The following MCM4 variants were observed in gnomAD, a reference collection of about 807,000 sequenced individuals.
MCM4 encodes DNA replication licensing factor MCM4.
In MCM4, 60 loss-of-function variants were observed where a neutral mutation model predicts 88.7. The ratio of observed to expected loss-of-function variants is 0.68; its 90% CI spans 0.55 to 0.84. The LOEUF is 0.84. Ranked by LOEUF, MCM4 falls within the 40% of genes least tolerant of loss-of-function variation. MCM4 has a pLI of 0.00. For synonymous variants in MCM4, 465 were observed against 410.5 expected (o/e 1.13, Z -1.61); for missense variants, 1,149 against 1,105.5 (o/e 1.04, Z -0.56).
At position 47,972,903 on chromosome 8, in the gene MCM4, G is replaced by A. The variant is rs1464398783; in HGVS notation, c.1975G>A (p.Asp659Asn). ...GCTGGACCCTCAGGACGAAGCCTAT[G>A]ACAGGCGTCTGGCTCACCACCTGGT... Reference protein sequence around the residue: ...LLLDPQDEAYDRRLAHHLVAL... With the variant: ...LLLDPQDEAYNRRLAHHLVAL... Residue 659 changes from aspartate (D) to asparagine (N), a missense_variant, in exon 14 of 17, where the codon GAC becomes AAC. Coordinates refer to ENST00000649973, the MANE Select transcript of MCM4 (RefSeq NM_182746.3). 5.0e-6 allele frequency: 8 copies of A among 1,614,056 alleles called. No individual in the cohort carries two copies. The highest frequency in any genetic ancestry group is 6.8e-6 in the Non-Finnish European group (8 of 1,180,040).
At position 47,966,183 on chromosome 8, in the gene MCM4, A is replaced by G. The variant is rs760861548; in HGVS notation, c.833-4A>G. On this transcript the variant is annotated splice_polypyrimidine_tract_variant and splice_region_variant and intron_variant, in intron 8 of 16. Transcript: ENST00000649973. ...GTGTGCTGACCTCTCTTCTCCCCTC[A>G]CAGACATTGACCAGCTCATCACCAT... is the stretch of plus-strand genomic sequence containing the variant. The G allele has an allele frequency of 3.7e-6, 6 of 1,613,074 alleles. No individual in the cohort carries two copies. In the African/African-American group the frequency reaches 4.0e-5, roughly 11 times the overall value.
At chr8:47,975,093 C>T in intron 15 of MCM4, 131 bp downstream of exon 15, 1 of 665,012 alleles carries the variant, frequency 1.5e-6, no homozygotes, top group Non-Finnish European at 2.5e-6. Context: ...GATTAGGACC[C>T]CTTTGAGAAT....
In MCM4 at chr8:47,969,840, G is replaced by C; in HGVS notation, c.1217G>C (p.Ser406Thr). 1 of 1,614,254 alleles carries C rather than the reference G, an allele frequency of 6.2e-7. No individual in the cohort carries two copies. The highest frequency in any genetic ancestry group is 1.7e-5 in the Admixed American group (1 of 60,032). Residue 406 changes from serine (S) to threonine (T), a missense_variant, in exon 11 of 17, where the codon AGT becomes ACT. Coordinates refer to ENST00000649973, the MANE Select transcript of MCM4 (RefSeq NM_182746.3). ...AVPIRVNPRVSNVKSVYKTHI... is the reference protein window; with the variant it reads ...AVPIRVNPRVTNVKSVYKTHI... Reference sequence around the variant, plus strand: ...CCTATTCGAGTCAATCCAAGAGTGAGTAATGTGAAGTCTGTCTACAAAACC... The same window carrying C: ...CCTATTCGAGTCAATCCAAGAGTGACTAATGTGAAGTCTGTCTACAAAACC...
chr8:47,966,059 A>C, intron 8 of MCM4, 128 bp from the exon 9 acceptor site: 1 of 695,676 alleles, frequency 1.4e-6, no homozygotes, highest in East Asian at 2.6e-5. Context: ...CATAGCCTGC[A>C]GATGACTGGA....
chr8:47,961,345 G>T (rs1279587326), intron 2 of MCM4, 131 bp downstream of exon 2: 1 of 1,470,902 alleles, frequency 6.8e-7, no homozygotes, highest in Non-Finnish European at 9.0e-7. Flanking sequence ...GCCGCTTGGT[G>T]CGCACAGACA....
At chr8:47,966,127 G>C in intron 8 of MCM4, 60 bp from the exon 9 acceptor site, 1 of 1,408,286 alleles carries the variant, frequency 7.1e-7, no homozygotes, top group East Asian at 2.3e-5. Flanking sequence ...TGTGATCCCA[G>C]CTATTCCTGG....
chr8:47,961,434 A>G, intron 2 of MCM4, 82 bp from the exon 3 acceptor site: 3 of 1,608,790 alleles, frequency 1.9e-6, no homozygotes, highest in Non-Finnish European at 2.5e-6. Flanking sequence ...GTGGTGAGTC[A>G]TAATGCCCCA....
In MCM4 at chr8:47,976,833, G is replaced by A; in HGVS notation, c.*55G>A. 4.4e-6 allele frequency: 5 copies of A among 1,125,072 alleles called. No homozygotes were observed. The highest frequency in any genetic ancestry group is 6.8e-6 in the Non-Finnish European group (5 of 738,036). 69.7% of individuals were successfully genotyped at this position (1,125,072 alleles called of 1,614,324 possible). On this transcript the variant is annotated 3_prime_UTR_variant, in exon 17 of 17. Transcript: ENST00000649973. ...TGTCCTGCTTGCTGCACGCCACATG[G>A]GTGTGGTCTGCATCTCAGTTGGCCG...
In MCM4 at chr8:47,967,408, C is replaced by CA. The variant is rs753162733; in HGVS notation, c.1098dup (p.Pro367ThrfsTer11). On this transcript the variant is annotated frameshift_variant, in exon 10 of 17. Coordinates refer to ENST00000649973, the MANE Select transcript of MCM4 (RefSeq NM_182746.3). LOFTEE classifies it high-confidence loss of function. ...CCGGAAGACATGCCTGCAGGGCAGA[C>CA]ACCACACACAGTTATCCTGTTTGCT... The CA allele has an allele frequency of 6.2e-7, 1 of 1,614,170 alleles. No homozygotes were observed. Among genetic ancestry groups the CA allele is most frequent in the Non-Finnish European group, 8.5e-7 (1 of 1,180,012 alleles).
At chr8:47,961,739 C>A in intron 3 of MCM4, 59 bp downstream of exon 3, 1 of 1,539,088 alleles carries the variant, frequency 6.5e-7, no homozygotes, top group South Asian at 1.3e-5. Flanking sequence ...GCTTTATCTG[C>A]TCAGGTTTAC....
At chr8:47,975,198 CTTTAAG>C (rs751396291) in intron 15 of MCM4, 8 of 404,248 alleles carry the variant, frequency 2.0e-5, no homozygotes, top group Admixed American at 4.3e-5. Flanking sequence ...TTTTTTTATA[CTTTAAG>C]TTTTAGGGTA....
rs1412415143 is a variant in MCM4, at chr8:47,974,762, G to A, written c.2165G>A (p.Ser722Asn). The stretch of plus-strand genomic sequence containing the variant: ...TATGTAGACATGAGGAAGATTGGCA[G>A]TAGCCGGGGAATGGTTTCTGCATAC... Reference protein sequence around the residue: ...EAYVDMRKIGSSRGMVSAYPR... With the variant: ...EAYVDMRKIGNSRGMVSAYPR... Residue 722 changes from serine (S) to asparagine (N), a missense_variant, in exon 15 of 17, where the codon AGT (serine) becomes AAT (asparagine). Coordinates refer to ENST00000649973, the MANE Select transcript of MCM4 (RefSeq NM_182746.3). The A allele has an allele frequency of 6.2e-7, 1 of 1,614,208 alleles. No individual in the cohort carries two copies. The highest frequency in any genetic ancestry group is 1.7e-5 in the Admixed American group (1 of 60,018).
At chr8:47,967,516 G>A (rs1181563934) in intron 10 of MCM4, 31 bp downstream of exon 10, 1 of 1,613,564 alleles carries the variant, frequency 6.2e-7, no homozygotes, top group Non-Finnish European at 8.5e-7. Flanking sequence ...CAGCACTTGA[G>A]CATGTCTGGC....
At position 47,976,906 on chromosome 8, in the gene MCM4, T is replaced by A; in HGVS notation, c.*128T>A. Reference sequence around the variant, plus strand: ...AAGTCATGGTTTGGCTGCATAAAAATTTTCTAACTTGGGTTCAATATTTGT... The same window carrying A: ...AAGTCATGGTTTGGCTGCATAAAAAATTTCTAACTTGGGTTCAATATTTGT... On this transcript the variant is annotated 3_prime_UTR_variant, in exon 17 of 17. Coordinates refer to ENST00000649973, the MANE Select transcript of MCM4 (RefSeq NM_182746.3). 1 of 585,980 alleles carries A rather than the reference T, an allele frequency of 1.7e-6. No individual in the cohort carries two copies. The highest frequency in any genetic ancestry group is 3.1e-6 in the Non-Finnish European group (1 of 327,170). The allele number at this position is 585,980 out of a possible 1,614,324, so 36.3% of individuals were successfully genotyped here.
chr8:47,974,931 T>C lies in MCM4; in HGVS notation c.2334T>C (p.Thr778=), dbSNP rs2090988846. The change falls in exon 15 of 17, where the codon ACT becomes ACC. Residue 778 remains threonine, a synonymous_variant. Transcript: ENST00000649973. ...AGCAGTCTGCAACTGATCCCCGGACTGGCATCGTGGACATATCTATTCTTA... is the reference window on the plus strand; with the variant it reads ...AGCAGTCTGCAACTGATCCCCGGACCGGCATCGTGGACATATCTATTCTTA... ...ALKQSATDPR[T]GIVDISILTT... 6.2e-7 allele frequency: 1 copy of C among 1,614,210 alleles called. No homozygotes were observed. Among genetic ancestry groups the C allele is most frequent in the Admixed American group, 1.7e-5 (1 of 60,018 alleles).
At position 47,961,120 on chromosome 8, in the gene MCM4, T is replaced by G. The variant is rs2090821810; in HGVS notation, c.-14-11T>G. On this transcript the variant is annotated splice_polypyrimidine_tract_variant and intron_variant, in intron 1 of 16. Coordinates refer to ENST00000649973, the MANE Select transcript of MCM4 (RefSeq NM_182746.3). ...AGGCGGGCCCGGCCCGAGCTTGTCC[T>G]TGTCGCGCAGGTACTCCGAGCACTA... is the stretch of plus-strand genomic sequence containing the variant. 6.5e-7 allele frequency: 1 copy of G among 1,546,502 alleles called. No individual in the cohort carries two copies. The highest frequency in any genetic ancestry group is 8.6e-7 in the Non-Finnish European group (1 of 1,156,176).
At chr8:47,971,590 T>C (rs1243054521) in intron 13 of MCM4, 122 bp downstream of exon 13, 2 of 1,122,748 alleles carry the variant, frequency 1.8e-6, no homozygotes, top group Non-Finnish European at 2.5e-6. Flanking sequence ...ATGTTTCAAA[T>C]TTGGTTGGTC....
intron 14 of MCM4, chr8:47,974,489 A>G (rs879494894): frequency 2.6e-5 from 12 of 464,482 alleles, no homozygotes; most frequent in Middle Eastern, 6.1e-4. Flanking sequence ...CTCTCCAAGA[A>G]TTCTTCCCAA....
intron 7 of MCM4, among the ~76,000 whole-genome samples, chr8:47,964,140 T>A (rs956960945): frequency 1.6e-4 from 25 of 152,170 alleles, no homozygotes; most frequent in African/African-American, 5.8e-4. Context: ...GGAGAATTAC[T>A]TGAATCCCAG....
Sources: gnomAD v4.1 joint callset for allele counts (sites outside exome capture counted in the v4.1 genomes callset) on GRCh38, gnomAD v4.1.1 for gene constraint, MANE v1.5 for transcripts, NCBI Gene and HGNC (gene_info 2026-07-23, HGNC 2026-07-21) for gene names.